The following NFIL3 variants were observed in gnomAD, a reference collection of about 807,000 sequenced individuals.
The protein encoded by NFIL3 is nuclear factor, interleukin 3 regulated.
A neutral mutation model predicts 10.0 loss-of-function variants in NFIL3; 5 were observed. That is an observed-to-expected ratio of 0.50 (90% CI 0.26 to 1.06). NFIL3 has a LOEUF of 1.06. NFIL3 is among the 50% of genes least tolerant of loss of function. The pLI is 0.13. For synonymous variants in NFIL3, 202 were observed against 206.5 expected (o/e 0.98, Z 0.19); for missense variants, 436 against 547.6 (o/e 0.80, Z 2.03).
At chr9:91,443,904 C>G in the NFIL3 span, among the ~76,000 whole-genome samples, 3 of 152,312 alleles carry the variant, frequency 2.0e-5, no homozygotes, top group East Asian at 5.8e-4. Flanking sequence ...TATAATGTAC[C>G]CCAGAGAGGA....
At position 91,410,176 on chromosome 9, in the gene NFIL3, G is replaced by A. The variant is rs1833515868; in HGVS notation, c.559C>T (p.Leu187=). Residue 187 remains leucine, a synonymous_variant, in exon 2 of 2, where the codon CTG becomes TTG. Transcript: ENST00000297689. The surrounding 1 kb of genome is among the most constrained non-coding windows in gnomAD (Gnocchi z 5.7). Reference sequence around the variant, plus strand: ...GAGGACACTTCTGAAACATCGGACAGCGAGCTTTGTGGAGAGTGTTTAATG... The same window carrying A: ...GAGGACACTTCTGAAACATCGGACAACGAGCTTTGTGGAGAGTGTTTAATG... ...SVIKHSPQSS[L]SDVSEVSSVE... is the part of the protein sequence containing the mutation. 1.9e-6 allele frequency: 3 copies of A among 1,614,174 alleles called. No homozygotes were observed. The highest frequency in any genetic ancestry group is 1.3e-5 in the African/African-American group (1 of 75,030).
At chr9:91,424,539 A>G (rs1192575563), upstream of NFIL3, among the ~76,000 whole-genome samples, 7 of 152,108 alleles carry the variant, frequency 4.6e-5, no homozygotes, top group Non-Finnish European at 8.8e-5. Flanking sequence ...GGCAGCGATT[A>G]AAATGTCCCG....
At position 91,413,255 on chromosome 9, in the gene NFIL3, C is replaced by CT. The variant is rs5899127; in HGVS notation, c.-172-2350dup. Reference sequence around the variant, plus strand: ...TTTATCATTTAAACAATATTATTTCCTTTTTTTTTTTTGATAAGAGTCTCG... The same window carrying CT: ...TTTATCATTTAAACAATATTATTTCCTTTTTTTTTTTTTGATAAGAGTCTCG... On this transcript the variant is annotated intron_variant, in intron 1 of 1. Transcript: ENST00000297689. Among the ~76,000 whole-genome samples, 465 of 146,458 alleles carry CT rather than the reference C, an allele frequency of 3.2e-3. 1 individual carries two copies. The East Asian group carries it at 0.04, about 13-fold the overall frequency.
At chr9:91,468,585 T>C in the NFIL3 span, among the ~76,000 whole-genome samples, 2 of 152,214 alleles carry the variant, frequency 1.3e-5, no homozygotes, top group African/African-American at 4.8e-5. Flanking sequence ...CCATTGCTCT[T>C]GGTGTTTTAG....
chr9:91,443,142 A>T, the NFIL3 span, among the ~76,000 whole-genome samples: 1 of 152,146 alleles, frequency 6.6e-6, no homozygotes, highest in Non-Finnish European at 1.5e-5. Flanking sequence ...GCTACTTTCC[A>T]TAGGCAGGTC....
At chr9:91,470,547 T>G in the NFIL3 span, among the ~76,000 whole-genome samples, 1 of 152,188 alleles carries the variant, frequency 6.6e-6, no homozygotes, top group Non-Finnish European at 1.5e-5. Context: ...CTTAGTTATT[T>G]CTTGCCTTCT....
At chr9:91,462,175 T>C in the NFIL3 span, among the ~76,000 whole-genome samples, 1 of 143,110 alleles carries the variant, frequency 7.0e-6, no homozygotes, top group African/African-American at 2.5e-5. Context: ...AATACATTTC[T>C]TTATTTCTTT....
chr9:91,477,786 T>G, the NFIL3 span, among the ~76,000 whole-genome samples: 17 of 152,340 alleles, frequency 1.1e-4, no homozygotes, highest in African/African-American at 4.1e-4. Flanking sequence ...AGTGGGGAGA[T>G]TGAGCACATT....
upstream of NFIL3, among the ~76,000 whole-genome samples, chr9:91,427,521 T>C (rs59847441): frequency 0.072 from 11,024 of 152,312 alleles, 435 homozygotes; most frequent in Middle Eastern, 0.14. Context: ...GCCAGGACCA[T>C]TTTCTTTCCA....
intron 1 of NFIL3, among the ~76,000 whole-genome samples, chr9:91,419,619 C>T (rs1263884494): frequency 6.6e-6 from 1 of 152,246 alleles, no homozygotes; most frequent in Non-Finnish European, 1.5e-5. Flanking sequence ...GCTGCAAATT[C>T]ATTTCTCTGA....
intron 1 of NFIL3, among the ~76,000 whole-genome samples, chr9:91,412,736 C>T (rs941198888): frequency 2.6e-5 from 4 of 151,456 alleles, no homozygotes; most frequent in Non-Finnish European, 4.4e-5. Context: ...CCCAGCTACT[C>T]GGGAGGCTGA....
the NFIL3 span, among the ~76,000 whole-genome samples, chr9:91,431,050 C>G: frequency 7.2e-5 from 11 of 152,180 alleles, no homozygotes; most frequent in Non-Finnish European, 1.5e-4. Flanking sequence ...GTGACAAGTC[C>G]TGGCAGAGAG....
intron 1 of NFIL3, among the ~76,000 whole-genome samples, chr9:91,422,616 A>G (rs1463386110): frequency 6.6e-6 from 1 of 152,218 alleles, no homozygotes; most frequent in Non-Finnish European, 1.5e-5. Flanking sequence ...CATTTCCAGG[A>G]AACTATTATG....
At chr9:91,452,191 C>T in the NFIL3 span, among the ~76,000 whole-genome samples, 1 of 152,112 alleles carries the variant, frequency 6.6e-6, no homozygotes, top group African/African-American at 2.4e-5. Flanking sequence ...GATAAAAACA[C>T]CAAAACAATA....
the NFIL3 span, among the ~76,000 whole-genome samples, chr9:91,466,689 C>G: frequency 6.6e-6 from 1 of 152,086 alleles, no homozygotes; most frequent in Admixed American, 6.6e-5. Context: ...TTTGGCCATA[C>G]GCAGGATAGT....
chr9:91,424,552 G>C (rs563255298), upstream of NFIL3, among the ~76,000 whole-genome samples: 30 of 152,278 alleles, frequency 2.0e-4, no homozygotes, highest in South Asian at 1.0e-3. Flanking sequence ...ATGTCCCGGC[G>C]CCTCTCCCGA....
At chr9:91,414,971 T>C (rs1051982630) in intron 1 of NFIL3, among the ~76,000 whole-genome samples, 1 of 152,254 alleles carries the variant, frequency 6.6e-6, no homozygotes, top group East Asian at 1.9e-4. Flanking sequence ...GAAAACTTTT[T>C]TGATGCTTTC....
the NFIL3 span, among the ~76,000 whole-genome samples, chr9:91,464,598 C>T: frequency 1.3e-5 from 2 of 152,052 alleles, no homozygotes; most frequent in African/African-American, 4.8e-5. Context: ...TCATTCATTC[C>T]CTCTCTGATG....
the NFIL3 span, among the ~76,000 whole-genome samples, chr9:91,435,675 A>G: frequency 1.3e-5 from 2 of 152,230 alleles, no homozygotes; most frequent in Non-Finnish European, 2.9e-5. Context: ...TGATTTTGCC[A>G]CATGGTCTTC....
Sources: gnomAD v4.1 joint callset for allele counts (sites outside exome capture counted in the v4.1 genomes callset) on GRCh38, gnomAD v4.1.1 for gene constraint, Gnocchi (gnomAD v3.1) non-coding constraint, MANE v1.5 for transcripts, NCBI Gene and HGNC (gene_info 2026-07-23, HGNC 2026-07-21) for gene names.